The following CEP112 variants were observed in gnomAD, a reference collection of about 807,000 sequenced individuals.
CEP112 encodes centrosomal protein of 112 kDa.
Under a neutral mutation model 153.0 loss-of-function variants are expected in CEP112, and 127 were observed. The observed-to-expected ratio is 0.83, with a 90% confidence interval of 0.72 to 0.96. CEP112 has a LOEUF of 0.96. Ranked by LOEUF, CEP112 falls within the 40% of genes least tolerant of loss-of-function variation. The pLI, the probability that CEP112 is intolerant of heterozygous loss-of-function variation, is 0.00. For synonymous variants in CEP112, 358 were observed against 374.4 expected (o/e 0.96, Z 0.51); for missense variants, 1,089 against 1,101.2 (o/e 0.99, Z 0.16).
chr17:66,136,646 C>G (rs1439354753), intron 4 of CEP112, among the ~76,000 whole-genome samples: 1 of 152,128 alleles, frequency 6.6e-6, no homozygotes, highest in Non-Finnish European at 1.5e-5. Flanking sequence ...AACTAAGTGC[C>G]TAGGGGCAGC....
chr17:66,041,374 T>C (rs1012531894), intron 12 of CEP112, among the ~76,000 whole-genome samples: 2 of 152,174 alleles, frequency 1.3e-5, no homozygotes, highest in African/African-American at 2.4e-5. Context: ...AAACAGTGTA[T>C]AGCAGGTCCT....
chr17:65,866,469 C>T (rs1198061382), intron 20 of CEP112, among the ~76,000 whole-genome samples: 1 of 152,200 alleles, frequency 6.6e-6, no homozygotes, highest in East Asian at 1.9e-4. Context: ...GGAGGTGGGT[C>T]CCTGGTGAAG....
intron 21 of CEP112, among the ~76,000 whole-genome samples, chr17:65,776,476 T>C (rs959384018): frequency 5.9e-5 from 9 of 152,140 alleles, no homozygotes; most frequent in South Asian, 2.1e-4. Context: ...CTGCCCGCCT[T>C]GGCCTCCCAA....
At chr17:65,998,984 C>T (rs2145359151) in intron 17 of CEP112, among the ~76,000 whole-genome samples, 1 of 152,026 alleles carries the variant, frequency 6.6e-6, no homozygotes, top group Admixed American at 6.6e-5. Context: ...TACAGAAATA[C>T]TTTTATATCT....
At chr17:65,922,440 A>G (rs2060766930) in intron 19 of CEP112, among the ~76,000 whole-genome samples, 1 of 152,054 alleles carries the variant, frequency 6.6e-6, no homozygotes, top group African/African-American at 2.4e-5. Context: ...AGTCAAATGC[A>G]TTTCAATTTT....
At chr17:66,187,672 C>T (rs758238394) in intron 1 of CEP112, among the ~76,000 whole-genome samples, 21 of 152,192 alleles carry the variant, frequency 1.4e-4, no homozygotes, top group Non-Finnish European at 1.0e-4. Flanking sequence ...ACTTTTCACA[C>T]TCGCATAGTG....
At chr17:65,663,539 A>G (rs963323074) in intron 24 of CEP112, among the ~76,000 whole-genome samples, 1 of 152,164 alleles carries the variant, frequency 6.6e-6, no homozygotes, top group Non-Finnish European at 1.5e-5. Context: ...TTCTGAGCCA[A>G]TTGGATGGTA....
In CEP112 at chr17:65,846,662, G is replaced by A. The variant is rs560625513; in HGVS notation, c.2394+5142C>T. Among the ~76,000 whole-genome samples, 5 of 152,216 alleles carry A rather than the reference G, an allele frequency of 3.3e-5. No homozygotes were observed. In the South Asian group the frequency reaches 1.0e-3, roughly 32 times the overall value. On this transcript the variant is annotated intron_variant, in intron 21 of 26. Transcript: ENST00000535342. ...CGGCTCACTACAAGCTCCGCCTCCC[G>A]GGTTCACGCCATTCTCTTGCCTCAG...
intron 6 of CEP112, among the ~76,000 whole-genome samples, chr17:66,110,539 C>A (rs533407885): frequency 6.6e-6 from 1 of 151,980 alleles, no homozygotes; most frequent in African/African-American, 2.4e-5. Context: ...AATCAGATCA[C>A]TTCCTCACAC....
intron 3 of CEP112, among the ~76,000 whole-genome samples, chr17:66,175,766 A>G (rs1473380053): frequency 1.3e-5 from 2 of 152,216 alleles, no homozygotes; most frequent in South Asian, 2.1e-4. Flanking sequence ...TTATTTGTTA[A>G]ATAAAGCCCT....
chr17:65,725,988 T>C (rs1362010626), intron 23 of CEP112, among the ~76,000 whole-genome samples: 1 of 152,140 alleles, frequency 6.6e-6, no homozygotes, highest in African/African-American at 2.4e-5. Context: ...TTTAAATCAA[T>C]GAAGTCTTTA....
intron 3 of CEP112, 64 bp from the exon 4 acceptor site, chr17:66,175,280 C>A: frequency 8.3e-7 from 1 of 1,202,832 alleles, no homozygotes. Flanking sequence ...ACTAAAATTT[C>A]CATCAAGTTT....
intron 24 of CEP112, chr17:65,654,838 T>C (rs2045975238): frequency 9.6e-6 from 4 of 416,420 alleles, no homozygotes; most frequent in South Asian, 2.0e-5. Context: ...AATTTGTTCA[T>C]GAATCAAAGA....
At chr17:65,762,272 G>C (rs2052660389) in intron 21 of CEP112, among the ~76,000 whole-genome samples, 1 of 151,874 alleles carries the variant, frequency 6.6e-6, no homozygotes, top group African/African-American at 2.4e-5. Flanking sequence ...CTTAGTGTTA[G>C]TATGGTATAT....
rs948082927 is a variant in CEP112 at position 66,098,426 on chromosome 17, T to C, written c.643-1794A>G. On this transcript the variant is annotated intron_variant, in intron 6 of 26. Transcript: ENST00000535342. ...AGTTCTCCAAAATCCCATTGTGTTT[T>C]CAAAAAGTTCCCCAAACGATTTATT... 2.0e-5 allele frequency among the ~76,000 whole-genome samples: 3 copies of C among 152,202 alleles called. No homozygotes were observed. The East Asian group carries it at 5.8e-4, about 29-fold the overall frequency.
intron 22 of CEP112, among the ~76,000 whole-genome samples, chr17:65,748,128 G>A (rs761583986): frequency 6.6e-6 from 1 of 152,156 alleles, no homozygotes; most frequent in Non-Finnish European, 1.5e-5. Flanking sequence ...TCTCTGAACT[G>A]ACTGGCATTG....
intron 21 of CEP112, among the ~76,000 whole-genome samples, chr17:65,757,969 C>A (rs947985035): frequency 2.0e-5 from 3 of 152,014 alleles, no homozygotes; most frequent in African/African-American, 7.2e-5. Context: ...ATAACTTGAA[C>A]AAATATATAA....
intron 4 of CEP112, among the ~76,000 whole-genome samples, chr17:66,161,374 C>T (rs923396837): frequency 1.3e-5 from 2 of 152,110 alleles, no homozygotes; most frequent in African/African-American, 4.8e-5. Flanking sequence ...TATAAAGATA[C>T]ATGCACACGT....
intron 23 of CEP112, among the ~76,000 whole-genome samples, chr17:65,696,941 G>A (rs759688611): frequency 1.3e-5 from 2 of 152,168 alleles, no homozygotes; most frequent in Non-Finnish European, 2.9e-5. Context: ...GAGGAGGGAT[G>A]CGGGAGGATT....
Sources: gnomAD v4.1 joint callset for allele counts (sites outside exome capture counted in the v4.1 genomes callset) on GRCh38, gnomAD v4.1.1 for gene constraint, MANE v1.5 for transcripts, NCBI Gene and HGNC (gene_info 2026-07-23, HGNC 2026-07-21) for gene names.